Variants in SEMA6A observed in about 807,000 individuals in gnomAD.
The protein encoded by SEMA6A is semaphorin 6A.
In SEMA6A, 25 loss-of-function variants were observed where a neutral mutation model predicts 96.8. The observed-to-expected ratio is 0.26, with a 90% CI of 0.19 to 0.36. SEMA6A has a LOEUF of 0.36. Ranked by LOEUF, SEMA6A falls within the 10% of genes least tolerant of loss-of-function variation. SEMA6A has a pLI of 1.00. For synonymous variants in SEMA6A, 612 were observed against 518.0 expected, an observed-to-expected ratio of 1.18 and a Z score of -2.46; for missense variants, 1,363 against 1,323.1, an observed-to-expected ratio of 1.03 and a Z score of -0.47.
chr5:116,478,181 A>G, intron 13 of SEMA6A, 27 bp from the exon 14 acceptor site: 3 of 1,610,036 alleles, frequency 1.9e-6, no homozygotes, highest in Non-Finnish European at 2.5e-6. Flanking sequence ...AGATAATATC[A>G]TTAATAGACT....
At chr5:116,526,341 C>T (rs1036192265) in intron 1 of SEMA6A, among the ~76,000 whole-genome samples, 1 of 152,198 alleles carries the variant, frequency 6.6e-6, no homozygotes, top group Admixed American at 6.5e-5. Flanking sequence ...TGACAACTAA[C>T]CACTAATGTC....
intron 1 of SEMA6A, among the ~76,000 whole-genome samples, chr5:116,549,157 A>G (rs1167214343): frequency 2.0e-5 from 3 of 152,214 alleles, no homozygotes; most frequent in Non-Finnish European, 2.9e-5. Context: ...ATCGCCAGGG[A>G]CCTACTAAAA....
intron 12 of SEMA6A, among the ~76,000 whole-genome samples, chr5:116,479,262 T>G (rs1756629003): frequency 6.6e-6 from 1 of 152,158 alleles, no homozygotes; most frequent in Admixed American, 6.5e-5. Context: ...CAATATCCAT[T>G]TAAAGCTAAA....
intron 1 of SEMA6A, among the ~76,000 whole-genome samples, chr5:116,530,642 A>ATAAAACTGTATACAGTTTTATT (rs1216075383): frequency 2.0e-5 from 3 of 152,144 alleles, no homozygotes; most frequent in Non-Finnish European, 4.4e-5. Flanking sequence ...TGCTTTTAAG[A>ATAAAACTGTATACAGTTTTATT]TAAAACTGTA....
chr5:116,558,922 A>G (rs1047665844), intron 1 of SEMA6A, among the ~76,000 whole-genome samples: 1 of 152,236 alleles, frequency 6.6e-6, no homozygotes, highest in Non-Finnish European at 1.5e-5. Context: ...GAACACATGT[A>G]TATCTAATTT....
At chr5:116,548,062 G>A (rs1490892791) in intron 1 of SEMA6A, among the ~76,000 whole-genome samples, 2 of 152,186 alleles carry the variant, frequency 1.3e-5, no homozygotes, top group Non-Finnish European at 2.9e-5. Flanking sequence ...ATGTCTGGCA[G>A]CCCTGAAACT....
intron 17 of SEMA6A, chr5:116,469,254 A>T (rs1465039062): frequency 1.3e-5 from 2 of 152,222 alleles, no homozygotes; most frequent in African/African-American, 4.8e-5. Flanking sequence ...CTTCGTATCC[A>T]GCTGCTAAAA....
At chr5:116,475,859 T>C (rs1756419302) in intron 15 of SEMA6A, among the ~76,000 whole-genome samples, 1 of 152,236 alleles carries the variant, frequency 6.6e-6, no homozygotes, top group Non-Finnish European at 1.5e-5. Context: ...TTGCAGATTA[T>C]TTACATCCTT....
intron 18 of SEMA6A, among the ~76,000 whole-genome samples, chr5:116,460,451 A>C (rs1225045886): frequency 6.6e-6 from 1 of 152,224 alleles, no homozygotes; most frequent in Non-Finnish European, 1.5e-5. Flanking sequence ...ATTAGATCTT[A>C]TATATTCACT....
At chr5:116,506,121 T>C (rs900850122) in intron 1 of SEMA6A, among the ~76,000 whole-genome samples, 10 of 152,202 alleles carry the variant, frequency 6.6e-5, no homozygotes, top group Non-Finnish European at 1.5e-5. Context: ...CTAGATGTCT[T>C]TGAAAGTTAA....
intron 9 of SEMA6A, 105 bp from the exon 10 acceptor site, chr5:116,487,071 T>TA: frequency 1.4e-6 from 1 of 730,464 alleles, no homozygotes; most frequent in South Asian, 1.8e-5. Flanking sequence ...ACAAGGTGCT[T>TA]AATACTGTTT....
intron 4 of SEMA6A, among the ~76,000 whole-genome samples, chr5:116,496,608 A>C (rs750629352): frequency 6.6e-6 from 1 of 152,240 alleles, no homozygotes; most frequent in African/African-American, 2.4e-5. Flanking sequence ...TTCATAAACT[A>C]TCCAAATTAA....
intron 18 of SEMA6A, among the ~76,000 whole-genome samples, chr5:116,462,223 C>T (rs1250659252): frequency 6.6e-6 from 1 of 152,060 alleles, no homozygotes; most frequent in African/African-American, 2.4e-5. Context: ...ATTAACTATA[C>T]TCACCTAAAA....
chr5:116,520,148 G>A (rs1758865842), intron 1 of SEMA6A, among the ~76,000 whole-genome samples: 2 of 151,802 alleles, frequency 1.3e-5, no homozygotes, highest in South Asian at 4.2e-4. Flanking sequence ...TCTCATTCCT[G>A]CCTCATGGAC....
intron 1 of SEMA6A, among the ~76,000 whole-genome samples, chr5:116,570,425 A>G (rs761886111): frequency 6.6e-6 from 1 of 152,242 alleles, no homozygotes; most frequent in Non-Finnish European, 1.5e-5. Flanking sequence ...TGTGGCTGCC[A>G]TAACACAAAG....
chr5:116,482,309 G>T, intron 11 of SEMA6A, 135 bp downstream of exon 11: 4 of 895,194 alleles, frequency 4.5e-6, no homozygotes, highest in Non-Finnish European at 5.1e-6. Flanking sequence ...TTTGGGTTTT[G>T]GTTAATGAGA....
chr5:116,478,956 G>A (rs1756614305), intron 12 of SEMA6A, among the ~76,000 whole-genome samples: 1 of 151,944 alleles, frequency 6.6e-6, no homozygotes, highest in East Asian at 1.9e-4. Flanking sequence ...GTGTGTGTGT[G>A]TGTGTGTTTG....
intron 18 of SEMA6A, among the ~76,000 whole-genome samples, chr5:116,457,491 A>G (rs983463774): frequency 6.6e-6 from 1 of 152,196 alleles, no homozygotes; most frequent in Non-Finnish European, 1.5e-5. Context: ...AAAGGAATGC[A>G]TCCTTTTAAA....
chr5:116,524,779 C>CACACACACAGACACACACAG (rs577424262), intron 1 of SEMA6A, among the ~76,000 whole-genome samples: 27 of 150,244 alleles, frequency 1.8e-4, no homozygotes, highest in African/African-American at 6.0e-4. Flanking sequence ...TATACACACA[C>CACACACACAGACACACACAG]ACACACACAG....
Sources: allele counts gnomAD v4.1 joint callset (sites outside exome capture counted in the v4.1 genomes callset), GRCh38; gene constraint gnomAD v4.1.1; transcripts MANE v1.5; gene names NCBI Gene and HGNC (gene_info 2026-07-23, HGNC 2026-07-21).